The following SPAG16 variants were observed in gnomAD, a reference collection of about 807,000 sequenced individuals.
SPAG16 encodes sperm-associated antigen 16 protein.
Under a neutral mutation model 80.4 loss-of-function variants are expected in SPAG16, and 86 were observed. That is an observed-to-expected ratio of 1.07 (90% CI 0.90 to 1.28). SPAG16 has a LOEUF of 1.28. Among genes scored for constraint, SPAG16 ranks in the 50% most tolerant of loss-of-function variants. The pLI is 0.00. For missense variants in SPAG16, 870 were observed against 765.3 expected (o/e 1.14, Z -1.61); for synonymous variants, 294 against 265.9 (o/e 1.11, Z -1.03).
At position 213,862,612 on chromosome 2, in the gene SPAG16, T is replaced by G. The variant is rs764485670; in HGVS notation, c.1198T>G (p.Cys400Gly). The change falls in exon 11 of 16, where the codon TGC (cysteine) becomes GGC (glycine). Residue 400 changes from cysteine (C) to glycine (G), a missense_variant. By Grantham distance (159) the Cys-to-Gly change is radical (BLOSUM62 -3). Transcript: ENST00000331683. Reference sequence around the variant, plus strand: ...TGGCCACACTGACTGGCTTTCAGACTGCTGCTTCCATCCCAGGTCAGTGCA... The same window carrying G: ...TGGCCACACTGACTGGCTTTCAGACGGCTGCTTCCATCCCAGGTCAGTGCA... ...GFGHTDWLSD[C>G]CFHPSGDKLA... is the part of the protein sequence containing the mutation. 2 of 1,613,988 alleles carry G rather than the reference T, an allele frequency of 1.2e-6. No individual in the cohort carries two copies. The highest frequency in any genetic ancestry group is 1.7e-6 in the Non-Finnish European group (2 of 1,179,998).
intron 10 of SPAG16, among the ~76,000 whole-genome samples, chr2:213,590,095 A>AT (rs2060631997): frequency 6.6e-6 from 1 of 152,142 alleles, no homozygotes; most frequent in African/African-American, 2.4e-5. Flanking sequence ...GCAGTCAAAA[A>AT]ATATATATTA....
intron 12 of SPAG16, among the ~76,000 whole-genome samples, chr2:214,002,726 A>G (rs1237361979): frequency 6.6e-6 from 1 of 152,186 alleles, no homozygotes; most frequent in Admixed American, 6.5e-5. Flanking sequence ...ACAGCAGGAG[A>G]ATATGGATGT....
Position 214,149,263 on chromosome 2 carries a change from T to C in SPAG16, c.1717T>C (p.Ser573Pro). 6.4e-7 allele frequency: 1 copy of C among 1,560,928 alleles called. No individual in the cohort carries two copies. Among genetic ancestry groups the C allele is most frequent in the South Asian group, 1.2e-5 (1 of 83,508 alleles). ...SPGNEVNFDS[S>P]GRVLAQASGN... Reference sequence around the variant, plus strand: ...TGGCAATGAGGTGAATTTTGATTCATCAGGTAGGATCATTTTTGTCTAATG... The same window carrying C: ...TGGCAATGAGGTGAATTTTGATTCACCAGGTAGGATCATTTTTGTCTAATG... Residue 573 changes from serine (S) to proline (P), a missense_variant, in exon 15 of 16, where the codon TCA becomes CCA. Coordinates refer to ENST00000331683, the MANE Select transcript of SPAG16 (RefSeq NM_024532.5).
At chr2:214,354,285 GT>G (rs1698624266) in intron 15 of SPAG16, among the ~76,000 whole-genome samples, 2 of 152,058 alleles carry the variant, frequency 1.3e-5, no homozygotes, top group South Asian at 4.2e-4. Flanking sequence ...TTTTTCTCAG[GT>G]TTGTCAAAGA....
intron 15 of SPAG16, among the ~76,000 whole-genome samples, chr2:214,318,527 G>A (rs959016890): frequency 1.3e-5 from 2 of 151,816 alleles, no homozygotes; most frequent in African/African-American, 4.8e-5. Context: ...GATTGCAGGT[G>A]TGCACCACCA....
intron 1 of SPAG16, among the ~76,000 whole-genome samples, chr2:213,290,098 G>C (rs1276120123): frequency 1.3e-5 from 2 of 152,236 alleles, no homozygotes; most frequent in Non-Finnish European, 2.9e-5. Context: ...CTCCCTGGCA[G>C]TTTCAGTGTG....
intron 9 of SPAG16, among the ~76,000 whole-genome samples, chr2:213,402,931 G>A (rs1176097778): frequency 2.6e-5 from 4 of 152,158 alleles, no homozygotes; most frequent in East Asian, 1.9e-4. Flanking sequence ...ATAATCCTTT[G>A]GGTATATACC....
chr2:213,906,200 C>G (rs2077426206), intron 11 of SPAG16, among the ~76,000 whole-genome samples: 1 of 151,740 alleles, frequency 6.6e-6, no homozygotes, highest in African/African-American at 2.4e-5. Flanking sequence ...ACCTCAGCAG[C>G]CTTTCTATGC....
At chr2:213,467,802 C>T (rs2072785304) in intron 9 of SPAG16, among the ~76,000 whole-genome samples, 1 of 152,202 alleles carries the variant, frequency 6.6e-6, no homozygotes. Context: ...TGGTTCCCTC[C>T]AGAGATTGGA....
At chr2:214,193,707 T>A (rs1023607) in intron 15 of SPAG16, among the ~76,000 whole-genome samples, 27,900 of 151,758 alleles carry the variant, frequency 0.18, 3,871 homozygotes, top group East Asian at 0.45. Context: ...AAATGATGGT[T>A]CCTATTTTAT....
intron 13 of SPAG16, among the ~76,000 whole-genome samples, chr2:214,055,311 AATG>A (rs976599345): frequency 8.5e-5 from 13 of 152,274 alleles, no homozygotes; most frequent in African/African-American, 2.9e-4. Flanking sequence ...CCTATAAACT[AATG>A]AGCAAGATTT....
chr2:213,418,032 C>A (rs1454711272), intron 9 of SPAG16, among the ~76,000 whole-genome samples: 2 of 152,024 alleles, frequency 1.3e-5, no homozygotes, highest in Non-Finnish European at 2.9e-5. Flanking sequence ...CTCCATCACA[C>A]CCAGCTAATT....
chr2:214,120,817 C>A lies in SPAG16; in HGVS notation c.1593+12556C>A, dbSNP rs144778078. 8.6e-4 allele frequency among the ~76,000 whole-genome samples: 131 copies of A among 151,860 alleles called. 1 individual carries two copies. Among genetic ancestry groups the A allele is most frequent in the African/African-American group, 3.0e-3 (126 of 41,508 alleles). ...TAATTCATATTATTTAAACTTGTAACTTTTAATTTTATTTATATGATGATG... is the reference window on the plus strand; with the variant it reads ...TAATTCATATTATTTAAACTTGTAAATTTTAATTTTATTTATATGATGATG... On this transcript the variant is annotated intron_variant, in intron 14 of 15. Coordinates refer to ENST00000331683, the MANE Select transcript of SPAG16 (RefSeq NM_024532.5).
intron 15 of SPAG16, among the ~76,000 whole-genome samples, chr2:214,213,130 G>C (rs2058339811): frequency 6.6e-6 from 1 of 152,122 alleles, no homozygotes; most frequent in African/African-American, 2.4e-5. Context: ...AATCATTCCA[G>C]AGTTGTGAAG....
intron 10 of SPAG16, 69 bp from the exon 11 acceptor site, chr2:213,862,416 C>A: frequency 1.3e-6 from 2 of 1,563,768 alleles, no homozygotes; most frequent in South Asian, 2.3e-5. Context: ...ACTGCCATTT[C>A]ATTTATTCAT....
At chr2:213,941,593 T>C (rs1332627161) in intron 12 of SPAG16, among the ~76,000 whole-genome samples, 1 of 152,162 alleles carries the variant, frequency 6.6e-6, no homozygotes, top group Non-Finnish European at 1.5e-5. Flanking sequence ...ACTGGGAAAG[T>C]AGTAAACATT....
intron 15 of SPAG16, among the ~76,000 whole-genome samples, chr2:214,377,963 G>A (rs1700229158): frequency 6.6e-6 from 1 of 152,186 alleles, no homozygotes; most frequent in Non-Finnish European, 1.5e-5. Context: ...GATTATCCAG[G>A]TTGGTCCAAT....
chr2:213,592,428 A>G (rs2060730039), intron 10 of SPAG16, among the ~76,000 whole-genome samples: 1 of 152,216 alleles, frequency 6.6e-6, no homozygotes, highest in Admixed American at 6.5e-5. Flanking sequence ...ATTTGCTTAA[A>G]AAAGAAATAC....
intron 5 of SPAG16, among the ~76,000 whole-genome samples, chr2:213,325,671 A>G (rs2063811651): frequency 6.6e-6 from 1 of 151,570 alleles, no homozygotes; most frequent in Admixed American, 6.6e-5. Flanking sequence ...GGGGGGAAGG[A>G]TTGATACTGT....
Sources: allele counts gnomAD v4.1 joint callset (sites outside exome capture counted in the v4.1 genomes callset), GRCh38; gene constraint gnomAD v4.1.1; transcripts MANE v1.5; gene names NCBI Gene and HGNC (gene_info 2026-07-23, HGNC 2026-07-21).